Variants in CTIF observed in about 807,000 individuals in gnomAD.
The protein encoded by CTIF is CBP80/20-dependent translation initiation factor.
A neutral mutation model predicts 66.0 loss-of-function variants in CTIF; 21 were observed. The observed-to-expected ratio is 0.32, with a 90% CI of 0.23 to 0.46. CTIF has a LOEUF of 0.46. Among genes scored for constraint, CTIF ranks in the 20% least tolerant of loss-of-function variants. The pLI, the probability that CTIF is intolerant of heterozygous loss-of-function variation, is 1.00. For synonymous variants in CTIF, 345 were observed against 326.4 expected (o/e 1.06, Z -0.62); for missense variants, 739 against 812.7 (o/e 0.91, Z 1.10).
chr18:48,802,193 G>A (rs1344049), intron 9 of CTIF, among the ~76,000 whole-genome samples: 12,963 of 152,178 alleles, frequency 0.085, 667 homozygotes, highest in Admixed American at 0.15. Context: ...TTTATTTTGC[G>A]GTTGGCCTGC....
rs767284407 is a variant in CTIF, at chr18:48,619,614, C to T, written c.49C>T (p.Arg17Cys). 10 of 1,602,550 alleles carry T rather than the reference C, an allele frequency of 6.2e-6. No homozygotes were observed. The highest frequency in any genetic ancestry group is 2.7e-5 in the African/African-American group (2 of 74,636). The stretch of plus-strand genomic sequence containing the variant: ...AGCCTCCTCGGAGGCAGGGAGCAGC[C>T]GCTCCCAGGAGATCGAGGAGCTGGA... ...ASASSEAGSS[R>C]SQEIEELERF... The change falls in exon 2 of 12, where the codon CGC becomes TGC. Residue 17 changes from arginine (R) to cysteine (C), a missense_variant. Arg to Cys is a radical substitution (Grantham distance 180). Around this residue, in one of 2 missense-constraint regions of CTIF, gnomAD observed 529 missense variants for 520.3 expected, o/e 1.02. Transcript: ENST00000256413.
intron 1 of CTIF, among the ~76,000 whole-genome samples, chr18:48,589,860 G>T (rs372832242): frequency 6.6e-6 from 1 of 152,170 alleles, no homozygotes; most frequent in African/African-American, 2.4e-5. Flanking sequence ...GCCACCTCAC[G>T]GAAGCATCAC....
chr18:48,782,317 C>T (rs372025935), intron 9 of CTIF, among the ~76,000 whole-genome samples: 1 of 152,048 alleles, frequency 6.6e-6, no homozygotes, highest in African/African-American at 2.4e-5. Flanking sequence ...CTCCAGGGCC[C>T]CTGCCTGGCC....
At chr18:48,735,431 A>ATGT (rs751243262) in intron 7 of CTIF, among the ~76,000 whole-genome samples, 2 of 152,186 alleles carry the variant, frequency 1.3e-5, no homozygotes, top group South Asian at 4.1e-4. Context: ...TTGCATGCAG[A>ATGT]TGTACAGGCA....
In CTIF at chr18:48,670,764, C is replaced by G. The variant is rs1375751008; in HGVS notation, c.507+20C>G. The stretch of plus-strand genomic sequence containing the variant: ...TGGCAGGTAGGTGCAGGGGCAGGCT[C>G]TCTAACAGCCCACCCCCACCCCTGG... On this transcript the variant is annotated intron_variant, in intron 6 of 11. Coordinates refer to ENST00000256413, the MANE Select transcript of CTIF (RefSeq NM_014772.3). 1 of 1,604,606 alleles carries G rather than the reference C, an allele frequency of 6.2e-7. No homozygotes were observed. Among genetic ancestry groups the G allele is most frequent in the Non-Finnish European group, 8.5e-7 (1 of 1,171,674 alleles).
At chr18:48,807,528 T>C (rs1361182860) in intron 9 of CTIF, among the ~76,000 whole-genome samples, 3 of 104,178 alleles carry the variant, frequency 2.9e-5, no homozygotes, top group Non-Finnish European at 6.1e-5. Context: ...TAACATTATA[T>C]AAACATTTTC....
intron 6 of CTIF, among the ~76,000 whole-genome samples, chr18:48,705,270 C>A (rs533335127): frequency 1.3e-5 from 2 of 152,280 alleles, no homozygotes; most frequent in South Asian, 4.2e-4. Context: ...TTCCCAGCTT[C>A]CCGTGGCTGC....
At chr18:48,840,114 C>T (rs1207979064) in intron 10 of CTIF, among the ~76,000 whole-genome samples, 2 of 152,176 alleles carry the variant, frequency 1.3e-5, no homozygotes, top group East Asian at 1.9e-4. Context: ...CTGGATGAGG[C>T]TCTTACCATT....
intron 9 of CTIF, among the ~76,000 whole-genome samples, chr18:48,799,156 AG>A (rs2067996666): frequency 6.6e-6 from 1 of 152,198 alleles, no homozygotes; most frequent in Non-Finnish European, 1.5e-5. Flanking sequence ...CCAGATTTTA[AG>A]GGGATGATAA....
chr18:48,717,034 G>T (rs1461412198), intron 7 of CTIF, among the ~76,000 whole-genome samples: 1 of 152,172 alleles, frequency 6.6e-6, no homozygotes, highest in Non-Finnish European at 1.5e-5. Context: ...ACAGCCTACA[G>T]CAGCGCTTGC....
In CTIF at chr18:48,646,161, A is replaced by G. The variant is rs74390101; in HGVS notation, c.252+9476A>G. On this transcript the variant is annotated intron_variant, in intron 3 of 11. Transcript: ENST00000256413. The stretch of plus-strand genomic sequence containing the variant: ...GAGAGGGAGAAAATATTTGCAAAAC[A>G]TATCTGACAAACGGCTCGTATTTAG... 5.1e-3 allele frequency among the ~76,000 whole-genome samples: 771 copies of G among 152,328 alleles called. 4 individuals are homozygous for G. The highest frequency in any genetic ancestry group is 0.034 in the Middle Eastern group (10 of 294).
intron 1 of CTIF, among the ~76,000 whole-genome samples, chr18:48,578,077 T>G (rs1042364480): frequency 3.3e-5 from 5 of 152,234 alleles, no homozygotes; most frequent in Admixed American, 6.5e-5. Flanking sequence ...ATACAATATG[T>G]TCTCTTTTGT....
intron 1 of CTIF, among the ~76,000 whole-genome samples, chr18:48,596,770 ATG>A (rs2089995077): frequency 6.6e-6 from 1 of 151,746 alleles, no homozygotes; most frequent in Non-Finnish European, 1.5e-5. Flanking sequence ...GCCACCGCAC[ATG>A]TCTGGAATCA....
At chr18:48,651,419 G>A (rs2091154245) in intron 3 of CTIF, among the ~76,000 whole-genome samples, 1 of 152,354 alleles carries the variant, frequency 6.6e-6, no homozygotes, top group East Asian at 1.9e-4. Context: ...TAACGGTAAA[G>A]AGATCAATTC....
chr18:48,781,034 C>G lies in CTIF; in HGVS notation c.1371+19345C>G, dbSNP rs565404708. Among the ~76,000 whole-genome samples, 16 of 152,362 alleles carry G rather than the reference C, an allele frequency of 1.1e-4. No individual in the cohort carries two copies. In the South Asian group the frequency reaches 2.9e-3, roughly 28 times the overall value. ...GAGTCACAGAAGGCGAAGACCCCCCCATCCCTGCCTTCACGGAGCTTCTGG... is the reference window on the plus strand; with the variant it reads ...GAGTCACAGAAGGCGAAGACCCCCCGATCCCTGCCTTCACGGAGCTTCTGG... On this transcript the variant is annotated intron_variant, in intron 9 of 11. Coordinates refer to ENST00000256413, the MANE Select transcript of CTIF (RefSeq NM_014772.3).
intron 7 of CTIF, among the ~76,000 whole-genome samples, chr18:48,715,929 G>T (rs564842464): frequency 1.3e-5 from 2 of 152,270 alleles, no homozygotes; most frequent in African/African-American, 4.8e-5. Flanking sequence ...GGGGTAAAGG[G>T]GCAGGCCTTG....
intron 10 of CTIF, among the ~76,000 whole-genome samples, chr18:48,842,199 T>G (rs568991776): frequency 6.6e-6 from 1 of 152,202 alleles, no homozygotes; most frequent in South Asian, 2.1e-4. Flanking sequence ...AACCAGGGGA[T>G]GGGCCAATGC....
At chr18:48,554,876 G>A (rs112353970) in intron 1 of CTIF, among the ~76,000 whole-genome samples, 127 of 152,298 alleles carry the variant, frequency 8.3e-4, no homozygotes, top group African/African-American at 2.8e-3. Context: ...TTGGCAGCCC[G>A]GGCCTAAAGA....
chr18:48,636,319 A>C (rs536327360), intron 2 of CTIF, among the ~76,000 whole-genome samples: 3 of 152,152 alleles, frequency 2.0e-5, no homozygotes, highest in Admixed American at 2.0e-4. Context: ...ACTCAGAATA[A>C]GTTTTGTCAT....
Sources: allele counts gnomAD v4.1 joint callset (sites outside exome capture counted in the v4.1 genomes callset), GRCh38; gene constraint gnomAD v4.1.1; regional missense constraint gnomAD v4.1.1; transcripts MANE v1.5; gene names NCBI Gene and HGNC (gene_info 2026-07-23, HGNC 2026-07-21).